Variants in BICD2 observed in about 807,000 individuals in gnomAD.
BICD2 encodes the protein protein bicaudal D homolog 2.
In BICD2, 25 loss-of-function variants were observed where a neutral mutation model predicts 72.9. That is an observed-to-expected ratio of 0.34 (90% CI 0.25 to 0.48). The LOEUF (loss-of-function observed/expected upper bound fraction) is 0.48. BICD2 is among the 20% of genes least tolerant of loss of function. BICD2 has a pLI of 0.99. For synonymous variants in BICD2, 501 were observed against 516.1 expected, an observed-to-expected ratio of 0.97 and a Z score of 0.40; for missense variants, 894 against 1,175.2, an observed-to-expected ratio of 0.76 and a Z score of 3.50.
At chr9:92,722,273 C>A (rs1853478281) in intron 3 of BICD2, among the ~76,000 whole-genome samples, 1 of 152,168 alleles carries the variant, frequency 6.6e-6, no homozygotes, top group Non-Finnish European at 1.5e-5. Context: ...ACAGAGAGGA[C>A]CTTCCTTGTC....
At chr9:92,750,211 C>T (rs752657084) in intron 1 of BICD2, among the ~76,000 whole-genome samples, 7 of 152,198 alleles carry the variant, frequency 4.6e-5, no homozygotes, top group Non-Finnish European at 8.8e-5. Context: ...GGCGGAAATA[C>T]AAAATGGTAT....
In BICD2 at chr9:92,714,162, T is replaced by C; in HGVS notation, c.*992A>G. The C allele has an allele frequency of 3.0e-6, 3 of 985,562 alleles. No homozygotes were observed. The African/African-American group carries it at 5.2e-5, about 17-fold the overall frequency. The allele number at this position is 985,562 out of a possible 1,614,324, so 61.1% of individuals were successfully genotyped here. On this transcript the variant is annotated 3_prime_UTR_variant, in exon 7 of 7. Coordinates refer to ENST00000356884, the MANE Select transcript of BICD2 (RefSeq NM_001003800.2). ...ATCCTGACAAGTGGCCCTGGCCCTATGCAAAGCTTTCCCAGCACCGGGCTG... is the reference window on the plus strand; with the variant it reads ...ATCCTGACAAGTGGCCCTGGCCCTACGCAAAGCTTTCCCAGCACCGGGCTG...
chr9:92,723,058 G>C (rs1056003687), intron 2 of BICD2, among the ~76,000 whole-genome samples: 2 of 152,048 alleles, frequency 1.3e-5, no homozygotes, highest in South Asian at 2.1e-4. Context: ...TGCCTGCTCC[G>C]ACCCTTGGTT....
intron 1 of BICD2, among the ~76,000 whole-genome samples, chr9:92,749,679 C>T (rs1854108127): frequency 6.6e-6 from 1 of 152,228 alleles, no homozygotes; most frequent in Non-Finnish European, 1.5e-5. Context: ...CCCTAATTGC[C>T]CCAGTGTCAG....
chr9:92,742,120 T>C (rs1046205124), intron 1 of BICD2, among the ~76,000 whole-genome samples: 5 of 152,198 alleles, frequency 3.3e-5, no homozygotes, highest in Admixed American at 2.0e-4. Context: ...TGAGTTGTCA[T>C]GTAGATTCAT....
intron 1 of BICD2, among the ~76,000 whole-genome samples, chr9:92,750,191 G>C (rs183423564): frequency 6.3e-4 from 96 of 152,298 alleles, no homozygotes; most frequent in African/African-American, 2.2e-3. Flanking sequence ...GGGAACTCTT[G>C]TTCAATGCTG....
chr9:92,753,489 A>C (rs572558994), intron 1 of BICD2, among the ~76,000 whole-genome samples: 4 of 152,288 alleles, frequency 2.6e-5, no homozygotes, highest in Middle Eastern at 3.4e-3. Context: ...AAATTTTCTA[A>C]AGTAGTTCAT....
At position 92,713,269 on chromosome 9, in the gene BICD2, A is replaced by G. The variant is rs1004444558; in HGVS notation, c.*1885T>C. The G allele has an allele frequency of 1.5e-6, 1 of 676,154 alleles. No homozygotes were observed. The highest frequency in any genetic ancestry group is 1.8e-5 in the African/African-American group (1 of 55,278). 41.9% of individuals were successfully genotyped at this position (676,154 alleles called of 1,614,324 possible). ...AGCAGCTCGCAGCATGCTCAACATTAAAGCTTTTTTTCCTCCCATTAAAAA... is the reference window on the plus strand; with the variant it reads ...AGCAGCTCGCAGCATGCTCAACATTGAAGCTTTTTTTCCTCCCATTAAAAA... On this transcript the variant is annotated 3_prime_UTR_variant, in exon 7 of 7. Transcript: ENST00000356884.
intron 1 of BICD2, among the ~76,000 whole-genome samples, chr9:92,754,779 T>C (rs1854222013): frequency 6.6e-6 from 1 of 152,242 alleles, no homozygotes; most frequent in East Asian, 1.9e-4. Context: ...ATCAATACCC[T>C]TGTGATTTCC....
At chr9:92,752,867 T>C (rs1472748534) in intron 1 of BICD2, among the ~76,000 whole-genome samples, 2 of 152,184 alleles carry the variant, frequency 1.3e-5, no homozygotes, top group Non-Finnish European at 2.9e-5. Flanking sequence ...TTTATGTAGA[T>C]AGCACCCTGC....
At chr9:92,729,311 G>A (rs1166242925) in intron 1 of BICD2, 75 bp from the exon 2 acceptor site, 12 of 1,473,630 alleles carry the variant, frequency 8.1e-6, no homozygotes, top group African/African-American at 1.4e-5. Context: ...GCTCACAGGC[G>A]ACATTCATGC....
intron 1 of BICD2, among the ~76,000 whole-genome samples, chr9:92,745,194 C>G (rs1228695925): frequency 1.3e-5 from 2 of 152,144 alleles, no homozygotes; most frequent in African/African-American, 2.4e-5. Context: ...AGATGTACAG[C>G]CTTGCTAGCA....
At chr9:92,753,036 C>A (rs568835828) in intron 1 of BICD2, among the ~76,000 whole-genome samples, 1 of 152,314 alleles carries the variant, frequency 6.6e-6, no homozygotes, top group East Asian at 1.9e-4. Flanking sequence ...GCTGACAATA[C>A]ACACTCTTGA....
chr9:92,722,389 C>T (rs1051450858), intron 3 of BICD2, among the ~76,000 whole-genome samples: 2 of 152,190 alleles, frequency 1.3e-5, no homozygotes, highest in African/African-American at 4.8e-5. Flanking sequence ...CTCTTCATTA[C>T]CTCTCAGATT....
chr9:92,727,347 G>A (rs551428299), intron 2 of BICD2, among the ~76,000 whole-genome samples: 3 of 152,314 alleles, frequency 2.0e-5, no homozygotes, highest in African/African-American at 7.2e-5. Context: ...TCAGGAACAA[G>A]GGTCCATAAG....
intron 1 of BICD2, among the ~76,000 whole-genome samples, chr9:92,763,365 A>T (rs914958563): frequency 5.9e-5 from 9 of 152,184 alleles, no homozygotes; most frequent in African/African-American, 2.2e-4. Flanking sequence ...GACACACTCA[A>T]GTGGGGGAAG....
Position 92,715,128 on chromosome 9 carries a change from C to G in BICD2, c.*26G>C. 1.9e-6 allele frequency: 3 copies of G among 1,542,884 alleles called. No homozygotes were observed. Among genetic ancestry groups the G allele is most frequent in the East Asian group, 2.3e-5 (1 of 44,000 alleles). ...TTAGTTGAGGTGAAGCAGATGTTAG[C>G]TGCAGCGTGCGGCGCCCCACAGCCC... On this transcript the variant is annotated 3_prime_UTR_variant, in exon 7 of 7. Coordinates refer to ENST00000356884, the MANE Select transcript of BICD2 (RefSeq NM_001003800.2).
Position 92,711,844 on chromosome 9 carries a change from T to G in BICD2, c.*3310A>C, listed in dbSNP as rs1853201091. ...CTTTTATTTTTGTCATTTATATTATTATAATTTTTCCTTTTTTGGAGAAGG... is the reference window on the plus strand; with the variant it reads ...CTTTTATTTTTGTCATTTATATTATGATAATTTTTCCTTTTTTGGAGAAGG... On this transcript the variant is annotated 3_prime_UTR_variant, in exon 7 of 7. Transcript: ENST00000356884. 2 of 152,524 alleles carry G rather than the reference T, an allele frequency of 1.3e-5. No individual in the cohort carries two copies. Among genetic ancestry groups the G allele is most frequent in the Non-Finnish European group, 2.9e-5 (2 of 68,032 alleles). 9.4% of individuals were successfully genotyped at this position (152,524 alleles called of 1,614,324 possible).
chr9:92,760,439 G>A (rs1378129122), intron 1 of BICD2, among the ~76,000 whole-genome samples: 1 of 152,194 alleles, frequency 6.6e-6, no homozygotes, highest in Non-Finnish European at 1.5e-5. Context: ...GTCCCAGGAT[G>A]ATTGAGATAC....
Sources: allele counts gnomAD v4.1 joint callset (sites outside exome capture counted in the v4.1 genomes callset), GRCh38; gene constraint gnomAD v4.1.1; transcripts MANE v1.5; gene names NCBI Gene and HGNC (gene_info 2026-07-23, HGNC 2026-07-21).